The following ST3GAL3 variants were observed in gnomAD, a reference collection of about 807,000 sequenced individuals.
ST3GAL3 encodes the protein CMP-N-acetylneuraminate-beta-1,4-galactoside alpha-2,3-sialyltransferase.
A neutral mutation model predicts 50.1 loss-of-function variants in ST3GAL3; 21 were observed. The observed-to-expected ratio is 0.42, with a 90% CI of 0.30 to 0.60. ST3GAL3 has a LOEUF of 0.60. Among genes scored for constraint, ST3GAL3 ranks in the 20% least tolerant of loss-of-function variants. The pLI is 0.19. For missense variants in ST3GAL3, 353 were observed against 489.4 expected, an observed-to-expected ratio of 0.72 and a Z score of 2.63; for synonymous variants, 183 against 190.0, an observed-to-expected ratio of 0.96 and a Z score of 0.30.
intron 5 of ST3GAL3, among the ~76,000 whole-genome samples, chr1:43,885,490 C>G (rs1269186736): frequency 1.3e-5 from 2 of 152,102 alleles, no homozygotes; most frequent in African/African-American, 4.8e-5. Flanking sequence ...GGAGCCTGCC[C>G]CACCCTCCCC....
At chr1:43,920,609 A>C in intron 10 of ST3GAL3, 59 bp downstream of exon 10, 7 of 1,561,248 alleles carry the variant, frequency 4.5e-6, no homozygotes, top group Non-Finnish European at 6.2e-6. Context: ...GTGCCTTGGA[A>C]GGAAGGGTGG....
In ST3GAL3 at chr1:43,760,419, C is replaced by T. The variant is rs1310027394; in HGVS notation, c.118+24039C>T. Among the ~76,000 whole-genome samples, 10 of 152,162 alleles carry T rather than the reference C, an allele frequency of 6.6e-5. No homozygotes were observed. The East Asian group carries it at 1.9e-3, about 29-fold the overall frequency. ...TATAACTCAGTGAACCCATAATGCG[C>T]AAATGACTACTGTTAGGATGTTACA... is the stretch of plus-strand genomic sequence containing the variant. On this transcript the variant is annotated intron_variant, in intron 2 of 11. Transcript: ENST00000347631.
chr1:43,818,752 C>T (rs186767552), intron 4 of ST3GAL3, among the ~76,000 whole-genome samples: 39 of 151,614 alleles, frequency 2.6e-4, no homozygotes, highest in African/African-American at 9.2e-4. Context: ...CTATGAAAAA[C>T]AAAATACCAG....
intron 2 of ST3GAL3, among the ~76,000 whole-genome samples, chr1:43,784,380 A>G (rs761831788): frequency 8.5e-5 from 13 of 152,248 alleles, no homozygotes; most frequent in Non-Finnish European, 1.3e-4. Flanking sequence ...GTGGTGGCAC[A>G]TGCCTGTAGT....
chr1:43,876,370 T>A (rs545068437), intron 5 of ST3GAL3, among the ~76,000 whole-genome samples: 1 of 152,014 alleles, frequency 6.6e-6, no homozygotes, highest in Non-Finnish European at 1.5e-5. Flanking sequence ...CATAAATGAT[T>A]TGTGGCCCTA....
At chr1:43,721,786 A>G (rs1670608169) in intron 1 of ST3GAL3, among the ~76,000 whole-genome samples, 1 of 152,098 alleles carries the variant, frequency 6.6e-6, no homozygotes, top group South Asian at 2.1e-4. Context: ...CTTTTAGTAG[A>G]AACAGGGTTT....
At chr1:43,819,664 G>A (rs2061839802) in intron 4 of ST3GAL3, among the ~76,000 whole-genome samples, 1 of 152,088 alleles carries the variant, frequency 6.6e-6, no homozygotes, top group Admixed American at 6.6e-5. Flanking sequence ...GGGTAAATGT[G>A]CAGGCTTGTT....
intron 2 of ST3GAL3, chr1:43,738,601 A>T (rs1315152802): frequency 6.6e-6 from 1 of 151,412 alleles, no homozygotes; most frequent in Non-Finnish European, 1.5e-5. Context: ...GGCTCAAGCG[A>T]TCCTCCTACC....
At chr1:43,758,166 C>A (rs957860619) in intron 2 of ST3GAL3, among the ~76,000 whole-genome samples, 7 of 138,600 alleles carry the variant, frequency 5.1e-5, no homozygotes, top group African/African-American at 1.8e-4. Flanking sequence ...CATACCACCC[C>A]CCCCCCCAAA....
intron 1 of ST3GAL3, among the ~76,000 whole-genome samples, chr1:43,729,837 G>A (rs571381297): frequency 1.3e-4 from 20 of 152,324 alleles, no homozygotes; most frequent in Middle Eastern, 3.4e-3. Flanking sequence ...ATTTTTGTCA[G>A]TGTATCTTTG....
chr1:43,710,293 G>A (rs1200164264), intron 1 of ST3GAL3, among the ~76,000 whole-genome samples: 2 of 152,088 alleles, frequency 1.3e-5, no homozygotes, highest in African/African-American at 4.8e-5. Context: ...TGTTGGCCAG[G>A]CTGATCTTGA....
chr1:43,922,024 T>A (rs1355273941), intron 11 of ST3GAL3: 19 of 315,586 alleles, frequency 6.0e-5, no homozygotes, highest in Non-Finnish European at 9.2e-5. Context: ...TCACTCACCA[T>A]TCTCTCACAT....
At chr1:43,906,673 C>T (rs1310414230) in intron 9 of ST3GAL3, among the ~76,000 whole-genome samples, 4 of 151,950 alleles carry the variant, frequency 2.6e-5, no homozygotes, top group Non-Finnish European at 5.9e-5. Context: ...GCCACTCTTC[C>T]TCCTCCTGTT....
At chr1:43,905,316 T>C (rs1341684276) in intron 9 of ST3GAL3, among the ~76,000 whole-genome samples, 7 of 107,388 alleles carry the variant, frequency 6.5e-5, no homozygotes, top group Non-Finnish European at 1.3e-4. Context: ...CCACTTTTCC[T>C]CCCCCTCCTC....
At chr1:43,723,405 G>A (rs867866958) in intron 1 of ST3GAL3, among the ~76,000 whole-genome samples, 29 of 150,882 alleles carry the variant, frequency 1.9e-4, no homozygotes, top group Non-Finnish European at 3.4e-4. Flanking sequence ...CACCACGCCC[G>A]GCCTTCCCTC....
intron 3 of ST3GAL3, among the ~76,000 whole-genome samples, chr1:43,803,251 A>G (rs2059509526): frequency 6.6e-6 from 1 of 151,796 alleles, no homozygotes; most frequent in Non-Finnish European, 1.5e-5. Flanking sequence ...TGCTCCCTAC[A>G]TGTCTTGTAG....
At chr1:43,798,827 G>A (rs7515003) in intron 3 of ST3GAL3, among the ~76,000 whole-genome samples, 53,558 of 152,032 alleles carry the variant, frequency 0.35, 10,457 homozygotes, top group East Asian at 0.59. Context: ...CTGTATCGCC[G>A]GTATTTAGAA....
chr1:43,711,972 G>A (rs887593918), intron 1 of ST3GAL3, among the ~76,000 whole-genome samples: 1 of 152,180 alleles, frequency 6.6e-6, no homozygotes, highest in Non-Finnish European at 1.5e-5. Flanking sequence ...TGGTATTTGG[G>A]GAGGAGGTTT....
chr1:43,845,102 G>C (rs1377402540), intron 5 of ST3GAL3, among the ~76,000 whole-genome samples: 1 of 152,036 alleles, frequency 6.6e-6, no homozygotes, highest in Non-Finnish European at 1.5e-5. Flanking sequence ...TTGTGCCTCA[G>C]CCTCCCGAGT....
Sources: gnomAD v4.1 joint callset for allele counts (sites outside exome capture counted in the v4.1 genomes callset) on GRCh38, gnomAD v4.1.1 for gene constraint, MANE v1.5 for transcripts, NCBI Gene and HGNC (gene_info 2026-07-23, HGNC 2026-07-21) for gene names.